Variants in TNFRSF10A observed in about 807,000 individuals in gnomAD.
TNFRSF10A encodes the protein tumor necrosis factor receptor superfamily member 10A.
Under a neutral mutation model 42.8 loss-of-function variants are expected in TNFRSF10A, and 44 were observed. The observed-to-expected ratio is 1.03, with a 90% CI of 0.81 to 1.32. The LOEUF (loss-of-function observed/expected upper bound fraction) is 1.32. TNFRSF10A is among the 40% of genes most tolerant of loss of function. The pLI, the probability that TNFRSF10A is intolerant of heterozygous loss-of-function variation, is 0.00. For missense variants in TNFRSF10A, 680 were observed against 602.0 expected (o/e 1.13, Z -1.36); for synonymous variants, 259 against 234.2 (o/e 1.11, Z -0.97).
At chr8:23,217,886 G>T (rs1192626096) in intron 1 of TNFRSF10A, among the ~76,000 whole-genome samples, 2 of 152,234 alleles carry the variant, frequency 1.3e-5, no homozygotes, top group Non-Finnish European at 2.9e-5. Context: ...ACGAGGGGCT[G>T]CCCAGGCAGA....
At chr8:23,199,473 A>G (rs376499502) in intron 7 of TNFRSF10A, 25 bp from the exon 8 acceptor site, 2 of 1,601,206 alleles carry the variant, frequency 1.2e-6, no homozygotes, top group African/African-American at 1.3e-5. Flanking sequence ...GAGCCAACTC[A>G]GAAGCCCACA....
chr8:23,207,403 A>G (rs1451467942), intron 2 of TNFRSF10A: 1 of 526,456 alleles, frequency 1.9e-6, no homozygotes, highest in Non-Finnish European at 3.7e-6. Flanking sequence ...AAATACATGT[A>G]TATGTTTTCA....
intron 8 of TNFRSF10A, among the ~76,000 whole-genome samples, chr8:23,198,750 T>C (rs1030400309): frequency 1.3e-5 from 2 of 152,154 alleles, no homozygotes; most frequent in African/African-American, 4.8e-5. Context: ...TGTGCATGTG[T>C]GTACATGCAT....
intron 2 of TNFRSF10A, among the ~76,000 whole-genome samples, chr8:23,207,637 G>A (rs1801035028): frequency 6.6e-6 from 1 of 152,200 alleles, no homozygotes; most frequent in South Asian, 2.1e-4. Context: ...TCCAATGGGA[G>A]GTAATTGAAT....
At chr8:23,197,250 G>T in intron 8 of TNFRSF10A, 46 bp from the exon 9 acceptor site, 1 of 1,609,814 alleles carries the variant, frequency 6.2e-7, no homozygotes, top group Non-Finnish European at 8.5e-7. Context: ...CAGGGGTCCT[G>T]CAGTCTAGTA....
At chr8:23,215,180 G>A (rs1801159796) in intron 1 of TNFRSF10A, among the ~76,000 whole-genome samples, 2 of 151,298 alleles carry the variant, frequency 1.3e-5, no homozygotes, top group South Asian at 4.1e-4. Flanking sequence ...CATCTTTTCT[G>A]TAATTGGGAG....
intron 1 of TNFRSF10A, among the ~76,000 whole-genome samples, chr8:23,218,346 T>G (rs1402108448): frequency 3.9e-5 from 6 of 152,102 alleles, no homozygotes; most frequent in Non-Finnish European, 7.4e-5. Context: ...AGAGGTAAGT[T>G]TGATATTCAC....
chr8:23,199,325 C>G lies in TNFRSF10A; in HGVS notation c.955G>C (p.Glu319Gln). The G allele has an allele frequency of 6.2e-7, 1 of 1,614,234 alleles. No homozygotes were observed. Among genetic ancestry groups the G allele is most frequent in the African/African-American group, 1.3e-5 (1 of 75,058 alleles). ...GTGACACCTGTCAAATCTGCCGGCT[C>G]CTGGCTTTCCATTTGCTGCTCAGAG... The part of the protein sequence containing the change: ...FVSEQQMESQ[E>Q]PADLTGVTVQ... Residue 319 changes from glutamate to glutamine, a missense_variant, in exon 8 of 10, where the codon GAG (glutamate) becomes CAG (glutamine). By Grantham distance (29) the Glu-to-Gln change is conservative. Coordinates refer to ENST00000221132, the MANE Select transcript of TNFRSF10A (RefSeq NM_003844.4).
chr8:23,191,443 C>G lies in TNFRSF10A; in HGVS notation c.*251G>C. On this transcript the variant is annotated 3_prime_UTR_variant, in exon 10 of 10. Transcript: ENST00000221132. Reference sequence around the variant, plus strand: ...CCTCCCGAGTAGCCGAGAATATATGCACACACCATCACATCCAGTTAATTT... The same window carrying G: ...CCTCCCGAGTAGCCGAGAATATATGGACACACCATCACATCCAGTTAATTT... The G allele has an allele frequency of 1.7e-6, 1 of 578,762 alleles. No individual in the cohort carries two copies. The highest frequency in any genetic ancestry group is 3.0e-6 in the Non-Finnish European group (1 of 333,990). The allele number at this position is 578,762 out of a possible 1,614,324, so 35.9% of individuals were successfully genotyped here. A position where few individuals can be genotyped will look rare whatever the true frequency, so the allele number is the denominator to read the frequency against.
chr8:23,200,760 C>G lies in TNFRSF10A; in HGVS notation c.630G>C (p.Gly210=). ...SAEMCRKCSR[G]CPRGMVKVKD... is the part of the protein sequence containing the mutation. ...TGACCTTGACCATCCCTCTGGGGCACCTGGGTACACACAGGGAGGGAGGGG... is the reference window on the plus strand; with the variant it reads ...TGACCTTGACCATCCCTCTGGGGCAGCTGGGTACACACAGGGAGGGAGGGG... Residue 210 remains glycine, a splice_region_variant and synonymous_variant, in exon 5 of 10, where the codon GGG becomes GGC. Coordinates refer to ENST00000221132, the MANE Select transcript of TNFRSF10A (RefSeq NM_003844.4). 1 of 1,604,858 alleles carries G rather than the reference C, an allele frequency of 6.2e-7. No individual in the cohort carries two copies. Among genetic ancestry groups the G allele is most frequent in the Non-Finnish European group, 8.5e-7 (1 of 1,174,728 alleles).
intron 4 of TNFRSF10A, 102 bp from the exon 5 acceptor site, chr8:23,200,862 G>T: frequency 9.2e-6 from 10 of 1,082,516 alleles, no homozygotes; most frequent in Non-Finnish European, 1.3e-5. Flanking sequence ...CTGAGAAGGC[G>T]TCAGGGGAAG....
At position 23,191,964 on chromosome 8, in the gene TNFRSF10A, G is replaced by A. The variant is rs569252360; in HGVS notation, c.1137C>T (p.Ser379=). The change falls in exon 10 of 10, where the codon TCC becomes TCT. Residue 379 remains serine, a synonymous_variant. Transcript: ENST00000221132. The part of the protein sequence containing the change: ...DKFANIVPFD[S]WDQLMRQLDL... ...CCAGCTGCCTCATGAGCTGGTCCCA[G>A]GAGTCAAAGGGCACGATGTTTGCAA... The A allele has an allele frequency of 9.3e-6, 15 of 1,614,168 alleles. No homozygotes were observed. The highest frequency in any genetic ancestry group is 1.7e-5 in the Admixed American group (1 of 60,022).
chr8:23,207,635 G>A (rs1801034970), intron 2 of TNFRSF10A, among the ~76,000 whole-genome samples: 1 of 152,178 alleles, frequency 6.6e-6, no homozygotes, highest in African/African-American at 2.4e-5. Flanking sequence ...GATCCAATGG[G>A]AGGTAATTGA....
At position 23,200,863 on chromosome 8, in the gene TNFRSF10A, T is replaced by C. The variant is rs903164666; in HGVS notation, c.630-103A>G. ...CCTGCCCAATGTCCCTGAGAAGGCG[T>C]CAGGGGAAGGATAGTCTCCTCGTAT... On this transcript the variant is annotated intron_variant, in intron 4 of 9. Coordinates refer to ENST00000221132, the MANE Select transcript of TNFRSF10A (RefSeq NM_003844.4). 70 of 1,089,928 alleles carry C rather than the reference T, an allele frequency of 6.4e-5. No individual in the cohort carries two copies. In the Middle Eastern group the frequency reaches 1.8e-3, roughly 28 times the overall value. The allele number at this position is 1,089,928 out of a possible 1,614,324, so 67.5% of individuals were successfully genotyped here.
intron 6 of TNFRSF10A, 111 bp downstream of exon 6, chr8:23,200,394 G>T: frequency 1.6e-6 from 2 of 1,213,904 alleles, no homozygotes; most frequent in Non-Finnish European, 2.4e-6. Flanking sequence ...GGAAGATAGA[G>T]CCCGGCCAGA....
chr8:23,206,629 T>A (rs1159825386), intron 2 of TNFRSF10A, among the ~76,000 whole-genome samples: 1 of 152,216 alleles, frequency 6.6e-6, no homozygotes, highest in Non-Finnish European at 1.5e-5. Context: ...AATGATGCAC[T>A]TGTCAGAATG....
At chr8:23,207,826 G>A (rs147783922) in intron 2 of TNFRSF10A, among the ~76,000 whole-genome samples, 39 of 150,652 alleles carry the variant, frequency 2.6e-4, no homozygotes, top group South Asian at 6.3e-4. Flanking sequence ...CCCCAGCCAC[G>A]TAGAACTGTA....
intron 1 of TNFRSF10A, among the ~76,000 whole-genome samples, chr8:23,215,242 C>T (rs1464332023): frequency 6.6e-6 from 1 of 152,148 alleles, no homozygotes; most frequent in Non-Finnish European, 1.5e-5. Flanking sequence ...GGGGGCCGGG[C>T]GCCGTGGCTC....
intron 1 of TNFRSF10A, among the ~76,000 whole-genome samples, chr8:23,220,041 C>T (rs913350027): frequency 1.3e-5 from 2 of 152,170 alleles, no homozygotes; most frequent in Non-Finnish European, 2.9e-5. Flanking sequence ...TTCACATCCC[C>T]TCCTGGCCAC....
Sources: gnomAD v4.1 joint callset for allele counts (sites outside exome capture counted in the v4.1 genomes callset) on GRCh38, gnomAD v4.1.1 for gene constraint, MANE v1.5 for transcripts, NCBI Gene and HGNC (gene_info 2026-07-23, HGNC 2026-07-21) for gene names.